JMJD6: variants seen among roughly 807,000 people sequenced by gnomAD.
JMJD6 encodes jumonji domain containing 6, arginine demethylase and lysine hydroxylase, also known as bifunctional arginine demethylase and lysyl-hydroxylase JMJD6.
JMJD6 carries 17 observed loss-of-function variants against 45.8 expected under a neutral mutation model. The ratio of observed to expected loss-of-function variants is 0.37; its 90% CI spans 0.25 to 0.56. The LOEUF (loss-of-function observed/expected upper bound fraction) is 0.56. Among genes scored for constraint, JMJD6 ranks in the 20% least tolerant of loss-of-function variants. The probability of loss-of-function intolerance (pLI) is 0.79; values close to 1 mark genes in which losing one functional copy is unlikely to be tolerated. For synonymous variants in JMJD6, 221 were observed against 196.3 expected (o/e 1.13, Z -1.05); for missense variants, 470 against 517.5 (o/e 0.91, Z 0.89).
chr17:76,716,590 C>CA (rs1465266054), downstream of JMJD6: 3 of 1,131,176 alleles, frequency 2.7e-6, no homozygotes, highest in Non-Finnish European at 4.0e-6. Flanking sequence ...TCAAAGAAGA[C>CA]AGAGGAGAAG....
chr17:76,725,030 G>A (rs2076888827), intron 2 of JMJD6, among the ~76,000 whole-genome samples: 1 of 152,114 alleles, frequency 6.6e-6, no homozygotes, highest in Non-Finnish European at 1.5e-5. Context: ...CCCTAAATGA[G>A]TTCAATGTAC....
At chr17:76,726,225 G>T in intron 1 of JMJD6, 122 bp downstream of exon 1, 1 of 1,301,534 alleles carries the variant, frequency 7.7e-7, no homozygotes, top group African/African-American at 1.6e-5. Context: ...TCCGCGGGGT[G>T]CGGGTGAGCC....
chr17:76,719,083 C>T (rs1377037349), intron 5 of JMJD6, among the ~76,000 whole-genome samples: 1 of 152,198 alleles, frequency 6.6e-6, no homozygotes, highest in African/African-American at 2.4e-5. Flanking sequence ...AGTATCCCTC[C>T]ACTGTTCTCT....
intron 5 of JMJD6, among the ~76,000 whole-genome samples, chr17:76,720,032 C>G (rs1280317354): frequency 6.6e-6 from 1 of 152,196 alleles, no homozygotes; most frequent in Non-Finnish European, 1.5e-5. Flanking sequence ...GTAATCCCAG[C>G]TACCAGGGAG....
intron 1 of JMJD6, 40 bp from the exon 2 acceptor site, chr17:76,725,895 A>G (rs2076914238): frequency 1.9e-6 from 3 of 1,543,238 alleles, no homozygotes; most frequent in Non-Finnish European, 2.6e-6. Flanking sequence ...TAAAAAAAAA[A>G]AAAAAGTCCA....
chr17:76,718,064 G>A (rs1251305993), downstream of JMJD6, among the ~76,000 whole-genome samples: 1 of 150,648 alleles, frequency 6.6e-6, no homozygotes, highest in Non-Finnish European at 1.5e-5. Context: ...TTGGGAGGCT[G>A]AGGCAGGAGG....
downstream of JMJD6, among the ~76,000 whole-genome samples, chr17:76,718,160 CAAAA>C (rs11335765): frequency 1.7e-4 from 11 of 65,882 alleles, no homozygotes; most frequent in Middle Eastern, 7.6e-3. Flanking sequence ...GACCCTGTCT[CAAAA>C]AAAAAAAAAA....
intron 3 of JMJD6, among the ~76,000 whole-genome samples, chr17:76,722,688 T>G (rs2076839702): frequency 6.6e-6 from 1 of 151,276 alleles, no homozygotes; most frequent in Admixed American, 6.6e-5. Context: ...TCTACTAAAA[T>G]ACAAAAAATT....
In JMJD6 at chr17:76,726,483, G is replaced by A. The variant is rs762443596; in HGVS notation, c.-8C>T. Reference sequence around the variant, plus strand: ...CTTGCTCTTGTGGTTCATTCTGCGGGGTCGCCAGCTGGTTCCGCTACGACC... The same window carrying A: ...CTTGCTCTTGTGGTTCATTCTGCGGAGTCGCCAGCTGGTTCCGCTACGACC... On this transcript the variant is annotated 5_prime_UTR_variant, in exon 1 of 6. Transcript: ENST00000397625. 1.5e-5 allele frequency: 24 copies of A among 1,587,788 alleles called. No homozygotes were observed. Among genetic ancestry groups the A allele is most frequent in the Admixed American group, 3.5e-5 (2 of 56,858 alleles).
chr17:76,724,815 T>C (rs551195792), intron 2 of JMJD6, among the ~76,000 whole-genome samples: 8 of 151,084 alleles, frequency 5.3e-5, no homozygotes, highest in Admixed American at 4.6e-4. Flanking sequence ...AGACTCCATC[T>C]CAATGAAGAA....
chr17:76,715,078 G>T (rs1345821434), downstream of JMJD6: 1 of 152,226 alleles, frequency 6.6e-6, no homozygotes, highest in East Asian at 1.9e-4. Flanking sequence ...AAGTTTAGAG[G>T]AGTTGTTGAT....
intron 4 of JMJD6, 48 bp from the exon 5 acceptor site, chr17:76,720,546 C>A (rs1490484265): frequency 6.3e-7 from 1 of 1,593,662 alleles, no homozygotes; most frequent in South Asian, 1.1e-5. Flanking sequence ...GCCATACCCA[C>A]TCACAAAGAC....
In JMJD6 at chr17:76,724,647, T is replaced by G. The variant is rs375550479; in HGVS notation, c.519-589A>C. Among the ~76,000 whole-genome samples the G allele has an allele frequency of 1.5e-3, 230 of 151,544 alleles. 1 individual carries two copies. Among genetic ancestry groups the G allele is most frequent in the Non-Finnish European group, 2.5e-3 (170 of 67,836 alleles). On this transcript the variant is annotated intron_variant, in intron 2 of 5. Coordinates refer to ENST00000397625, the MANE Select transcript of JMJD6 (RefSeq NM_015167.3). ...GCCTGACCAATACGGTGAAACCCCA[T>G]CTCTACTGAAAATACAAAAATTAGC...
At position 76,718,494 on chromosome 17, in the gene JMJD6, C is replaced by T; in HGVS notation, c.*235G>A. The T allele has an allele frequency of 1.5e-6, 2 of 1,325,652 alleles. No individual in the cohort carries two copies. The highest frequency in any genetic ancestry group is 1.9e-6 in the Non-Finnish European group (2 of 1,042,030). The allele number at this position is 1,325,652 out of a possible 1,614,324, so 82.1% of individuals were successfully genotyped here. On this transcript the variant is annotated 3_prime_UTR_variant, in exon 6 of 6. Transcript: ENST00000397625. Reference sequence around the variant, plus strand: ...TTTATTAAATAATGTAAAGGATTTTCTTGGCACTATTCACATTCTCTTGCC... The same window carrying T: ...TTTATTAAATAATGTAAAGGATTTTTTTGGCACTATTCACATTCTCTTGCC...
At chr17:76,717,081 C>T (rs998070963), downstream of JMJD6, among the ~76,000 whole-genome samples, 2 of 152,086 alleles carry the variant, frequency 1.3e-5, no homozygotes, top group African/African-American at 4.8e-5. Flanking sequence ...GATAGGAGGG[C>T]TGCGGGTCCT....
chr17:76,717,404 A>G (rs915144968), downstream of JMJD6, among the ~76,000 whole-genome samples: 1 of 152,218 alleles, frequency 6.6e-6, no homozygotes, highest in Non-Finnish European at 1.5e-5. Flanking sequence ...CAACCAGCAC[A>G]TCAAAGACCT....
At chr17:76,723,563 C>A (rs898161503) in intron 3 of JMJD6, among the ~76,000 whole-genome samples, 3 of 152,008 alleles carry the variant, frequency 2.0e-5, no homozygotes, top group Non-Finnish European at 4.4e-5. Context: ...GCCTCAGCCT[C>A]CCGAGTGGCT....
In JMJD6 at chr17:76,723,679, G is replaced by A. The variant is rs993449029; in HGVS notation, c.805+93C>T. On this transcript the variant is annotated intron_variant, in intron 3 of 5. Transcript: ENST00000397625. The stretch of plus-strand genomic sequence containing the variant: ...GATGGTCTCGATCTCCTGACCTCGT[G>A]ATCTGCCCGCCTCAGCCTCCCAAAG... 2.5e-6 allele frequency: 3 copies of A among 1,195,806 alleles called. No individual in the cohort carries two copies. In the Admixed American group the frequency reaches 5.6e-5, roughly 22 times the overall value. The allele number at this position is 1,195,806 out of a possible 1,614,324, so 74.1% of individuals were successfully genotyped here. A position where few individuals can be genotyped will look rare whatever the true frequency, so the allele number is the denominator to read the frequency against.
rs765486191 is a variant in JMJD6 at position 76,723,963 on chromosome 17, C to A, written c.614G>T (p.Arg205Leu). Residue 205 changes from arginine to leucine, a missense_variant, in exon 3 of 6, where the codon CGC (arginine) becomes CTC (leucine). Physicochemically the swap from Arg to Leu is moderately radical, Grantham distance 102. Coordinates refer to ENST00000397625, the MANE Select transcript of JMJD6 (RefSeq NM_015167.3). ...AGTGCTGGTAGGAAACAGGCACCAG[C>A]GCTTGTGGCCCTGAACTAAGGCATT... is the stretch of plus-strand genomic sequence containing the variant. ...AWNALVQGHK[R>L]WCLFPTSTPR... 6.2e-7 allele frequency: 1 copy of A among 1,614,094 alleles called. No homozygotes were observed. Among genetic ancestry groups the A allele is most frequent in the Non-Finnish European group, 8.5e-7 (1 of 1,180,014 alleles).
Sources: allele counts gnomAD v4.1 joint callset (sites outside exome capture counted in the v4.1 genomes callset), GRCh38; gene constraint gnomAD v4.1.1; transcripts MANE v1.5; gene names NCBI Gene and HGNC (gene_info 2026-07-23, HGNC 2026-07-21).